The following NAALAD2 variants were observed in gnomAD, a reference collection of about 807,000 sequenced individuals.
NAALAD2 encodes the protein N-acetylated-alpha-linked acidic dipeptidase 2.
A neutral mutation model predicts 95.6 loss-of-function variants in NAALAD2; 89 were observed. The observed-to-expected ratio is 0.93, with a 90% confidence interval of 0.78 to 1.11. The LOEUF (loss-of-function observed/expected upper bound fraction) is 1.11, where lower values mean the gene tolerates loss of function less well. Among genes scored for constraint, NAALAD2 ranks in the 50% least tolerant of loss-of-function variants. The probability of loss-of-function intolerance (pLI) is 0.00; values close to 1 mark genes in which losing one functional copy is unlikely to be tolerated. For synonymous variants in NAALAD2, 264 were observed against 294.4 expected, an observed-to-expected ratio of 0.90 and a Z score of 1.06; for missense variants, 894 against 872.4, an observed-to-expected ratio of 1.02 and a Z score of -0.31.
Position 90,158,120 on chromosome 11 carries a change from C to T in NAALAD2, c.797-25C>T, listed in dbSNP as rs770892928. 7 of 1,499,610 alleles carry T rather than the reference C, an allele frequency of 4.7e-6. No homozygotes were observed. The East Asian group carries it at 1.4e-4, about 29-fold the overall frequency. The allele number at this position is 1,499,610 out of a possible 1,614,324, so 92.9% of individuals were successfully genotyped here. On this transcript the variant is annotated intron_variant, in intron 6 of 18. Coordinates refer to ENST00000534061, the MANE Select transcript of NAALAD2 (RefSeq NM_005467.4). ...CTTGCTCAGATTTTTAAATTGTTTT[C>T]ATTTTATGCATTTGATTTTTTTAGA... is the stretch of plus-strand genomic sequence containing the variant.
intron 18 of NAALAD2, among the ~76,000 whole-genome samples, chr11:90,190,974 A>C (rs1487779491): frequency 6.6e-6 from 1 of 152,150 alleles, no homozygotes; most frequent in African/African-American, 2.4e-5. Context: ...TTGAAGTAGA[A>C]AAGCAACTAT....
At chr11:90,153,236 AG>A (rs1288793655) in intron 6 of NAALAD2, among the ~76,000 whole-genome samples, 1 of 152,172 alleles carries the variant, frequency 6.6e-6, no homozygotes, top group Non-Finnish European at 1.5e-5. Context: ...TTACAGATAA[AG>A]GTGTAATGAA....
At chr11:90,163,059 A>G (rs1952341731) in intron 9 of NAALAD2, 25 bp downstream of exon 9, 2 of 1,490,800 alleles carry the variant, frequency 1.3e-6, no homozygotes, top group East Asian at 2.3e-5. Flanking sequence ...TTTTTAAAAC[A>G]TTTTGTTTTT....
intron 8 of NAALAD2, chr11:90,162,742 A>C (rs569609911): frequency 1.0e-4 from 34 of 326,730 alleles, no homozygotes; most frequent in Non-Finnish European, 1.5e-4. Context: ...GCTTAGAAGT[A>C]AATTGGCATA....
Position 90,167,879 on chromosome 11 carries a change from C to T in NAALAD2, c.1279-1050C>T, listed in dbSNP as rs189531510. Among the ~76,000 whole-genome samples the T allele has an allele frequency of 3.9e-5, 6 of 152,218 alleles. No individual in the cohort carries two copies. In the East Asian group the frequency reaches 7.7e-4, roughly 20 times the overall value. Reference sequence around the variant, plus strand: ...TCGGCTCTCTGTAAAACAGACCAATCGGCTCTCTGTAAAATGGACCAGTCA... The same window carrying T: ...TCGGCTCTCTGTAAAACAGACCAATTGGCTCTCTGTAAAATGGACCAGTCA... On this transcript the variant is annotated intron_variant, in intron 11 of 18. Transcript: ENST00000534061.
At chr11:90,155,851 ATAT>A (rs932973061) in intron 6 of NAALAD2, among the ~76,000 whole-genome samples, 21 of 142,256 alleles carry the variant, frequency 1.5e-4, no homozygotes, top group South Asian at 4.2e-4. Context: ...TATGTTATAT[ATAT>A]TATATTATAT....
At chr11:90,185,227 CA>C (rs1317250567) in intron 18 of NAALAD2, among the ~76,000 whole-genome samples, 1 of 151,488 alleles carries the variant, frequency 6.6e-6, no homozygotes, top group Non-Finnish European at 1.5e-5. Context: ...AATATATAAA[CA>C]ATTTTTATTT....
intron 18 of NAALAD2, among the ~76,000 whole-genome samples, chr11:90,186,977 C>T (rs1390337979): frequency 6.7e-6 from 1 of 148,882 alleles, no homozygotes; most frequent in Non-Finnish European, 1.5e-5. Context: ...AACAAATTTA[C>T]AAGAAAAAAA....
chr11:90,136,317 T>G (rs954274044), intron 2 of NAALAD2, among the ~76,000 whole-genome samples: 2 of 152,160 alleles, frequency 1.3e-5, no homozygotes, highest in Admixed American at 1.3e-4. Context: ...TTACATAAAA[T>G]AAACTGCATC....
chr11:90,143,112 A>G (rs1007062267), intron 2 of NAALAD2, among the ~76,000 whole-genome samples: 2 of 152,144 alleles, frequency 1.3e-5, no homozygotes, highest in African/African-American at 4.8e-5. Context: ...GAACATGTAT[A>G]TGTATTGTAA....
rs1014115236 is a variant in NAALAD2, at chr11:90,187,664, T to A, written c.2034-3894T>A. ...CCAGCAATGTATATCAGGTTAAAAA[T>A]GATCTTGTAAATCTTATAAAACCTC... On this transcript the variant is annotated intron_variant, in intron 18 of 18. Transcript: ENST00000534061. Among the ~76,000 whole-genome samples the A allele has an allele frequency of 1.3e-5, 2 of 152,210 alleles. 1 individual carries two copies. Among genetic ancestry groups the A allele is most frequent in the South Asian group, 4.1e-4 (2 of 4,832 alleles).
At position 90,191,684 on chromosome 11, in the gene NAALAD2, A is replaced by T. The variant is rs374945269; in HGVS notation, c.2160A>T (p.Lys720Asn). ...NSRLAWKEVK[K>N]HISIAAFTIQ... ...GTTTGGCCTGGAAAGAAGTAAAGAA[A>T]CATATTTCTATTGCAGCTTTTACAA... Residue 720 changes from lysine to asparagine, a missense_variant, in exon 19 of 19, where the codon AAA becomes AAT. By Grantham distance (94) the Lys-to-Asn change is moderately conservative. Coordinates refer to ENST00000534061, the MANE Select transcript of NAALAD2 (RefSeq NM_005467.4). 1.9e-6 allele frequency: 3 copies of T among 1,602,400 alleles called. No homozygotes were observed. In the South Asian group the frequency reaches 3.4e-5, roughly 18 times the overall value.
chr11:90,152,620 T>G, intron 6 of NAALAD2, 136 bp downstream of exon 6: 1 of 595,024 alleles, frequency 1.7e-6, no homozygotes, highest in Non-Finnish European at 2.7e-6. Context: ...TTACTGCTGC[T>G]AGGAATTTTA....
At chr11:90,183,128 G>A (rs113753308) in intron 18 of NAALAD2, 120 bp downstream of exon 18, 135 of 639,200 alleles carry the variant, frequency 2.1e-4, no homozygotes, top group African/African-American at 2.1e-3. Flanking sequence ...AGGGAATTTG[G>A]GTAAGATTGT....
chr11:90,189,372 A>G (rs1188048041), intron 18 of NAALAD2, among the ~76,000 whole-genome samples: 3 of 152,232 alleles, frequency 2.0e-5, no homozygotes, highest in Non-Finnish European at 4.4e-5. Context: ...ACACTCTGTA[A>G]TGGAATCTAA....
At chr11:90,135,114 G>GA (rs542991373) in intron 1 of NAALAD2, 74 of 397,700 alleles carry the variant, frequency 1.9e-4, no homozygotes, top group African/African-American at 1.3e-3. Flanking sequence ...CTGCAGGGAT[G>GA]AAAAAAAATC....
At chr11:90,173,014 A>G (rs1051923205) in intron 13 of NAALAD2, among the ~76,000 whole-genome samples, 2 of 152,170 alleles carry the variant, frequency 1.3e-5, no homozygotes, top group African/African-American at 4.8e-5. Context: ...ACAAACAAGA[A>G]AACAAAATAT....
chr11:90,163,613 C>A lies in NAALAD2; in HGVS notation c.1274C>A (p.Ala425Asp). 1 of 1,613,814 alleles carries A rather than the reference C, an allele frequency of 6.2e-7. No homozygotes were observed. Among genetic ancestry groups the A allele is most frequent in the Non-Finnish European group, 8.5e-7 (1 of 1,179,784 alleles). ...EFGLLGSTEW[A>D]EENVKILQER... is the part of the protein sequence containing the mutation. The stretch of plus-strand genomic sequence containing the variant: ...GGACTTCTGGGTTCCACAGAATGGG[C>A]TGAGGTAAATAAGACAAAGAAGGTT... Residue 425 changes from alanine (A) to aspartate (D), a missense_variant, in exon 11 of 19, where the codon GCT becomes GAT. Ala to Asp is a moderately radical substitution (Grantham distance 126). Coordinates refer to ENST00000534061, the MANE Select transcript of NAALAD2 (RefSeq NM_005467.4).
intron 3 of NAALAD2, among the ~76,000 whole-genome samples, chr11:90,147,794 G>T (rs80169737): frequency 0.044 from 6,651 of 152,150 alleles, 182 homozygotes; most frequent in Middle Eastern, 0.11. Context: ...CCCAGAAAAG[G>T]GTCACTCAGC....
Sources: gnomAD v4.1 joint callset for allele counts (sites outside exome capture counted in the v4.1 genomes callset) on GRCh38, gnomAD v4.1.1 for gene constraint, MANE v1.5 for transcripts, NCBI Gene and HGNC (gene_info 2026-07-23, HGNC 2026-07-21) for gene names.